CREBRF: variants seen among roughly 807,000 people sequenced by gnomAD.
The protein encoded by CREBRF is CREB3 regulatory factor, also known as UPF0474 protein C5orf41.
CREBRF carries 5 observed loss-of-function variants against 66.1 expected under a neutral mutation model. The ratio of observed to expected loss-of-function variants is 0.08; its 90% CI spans 0.04 to 0.16. CREBRF has a LOEUF of 0.16. Ranked by LOEUF, CREBRF falls within the 10% of genes least tolerant of loss-of-function variation. The pLI, the probability that CREBRF is intolerant of heterozygous loss-of-function variation, is 1.00. For missense variants in CREBRF, 531 were observed against 744.9 expected, an observed-to-expected ratio of 0.71 and a Z score of 3.34; for synonymous variants, 229 against 264.4, an observed-to-expected ratio of 0.87 and a Z score of 1.30.
chr5:173,111,787 T>A (rs1477376375), intron 6 of CREBRF, among the ~76,000 whole-genome samples: 1 of 152,252 alleles, frequency 6.6e-6, no homozygotes, highest in African/African-American at 2.4e-5. Context: ...GCATATATGC[T>A]TATAAGAAAC....
chr5:173,101,963 T>A (rs1758639515), intron 4 of CREBRF, among the ~76,000 whole-genome samples: 1 of 152,208 alleles, frequency 6.6e-6, no homozygotes, highest in East Asian at 1.9e-4. Flanking sequence ...CCTGTAGGCT[T>A]TCTTTATTCT....
At chr5:173,124,579 GAAAAA>G (rs1561581530) in intron 8 of CREBRF, 1 of 137,730 alleles carries the variant, frequency 7.3e-6, no homozygotes, top group African/African-American at 2.7e-5. Context: ...AAAAAAAAAA[GAAAAA>G]AGAAAAGCCA....
rs1758213008 is a variant in CREBRF, at chr5:173,087,999, ATT to A, written c.135+1377_135+1378del. Among the ~76,000 whole-genome samples, 4 of 150,814 alleles carry A rather than the reference ATT, an allele frequency of 2.7e-5. No individual in the cohort carries two copies. The South Asian group carries it at 8.4e-4, about 32-fold the overall frequency. On this transcript the variant is annotated intron_variant, in intron 3 of 8. Transcript: ENST00000296953. ...CCACCACACCCGGCTAATTTTTTGT[ATT>A]TTTAGTAGAGATGGGGTTTCACCAT...
chr5:173,135,562 A>C lies in CREBRF; in HGVS notation c.*1817A>C, dbSNP rs768093696. ...TTTAGCAAGGAAAAAAATACCAAAAATTTCAGGCATAGCTGCTGGAAAAAT... is the reference window on the plus strand; with the variant it reads ...TTTAGCAAGGAAAAAAATACCAAAACTTTCAGGCATAGCTGCTGGAAAAAT... On this transcript the variant is annotated 3_prime_UTR_variant, in exon 9 of 9. Coordinates refer to ENST00000296953, the MANE Select transcript of CREBRF (RefSeq NM_153607.3). The C allele has an allele frequency of 6.6e-6, 1 of 152,340 alleles. No individual in the cohort carries two copies. Among genetic ancestry groups the C allele is most frequent in the Non-Finnish European group, 1.5e-5 (1 of 67,956 alleles). The allele number at this position is 152,340 out of a possible 1,614,324, so 9.4% of individuals were successfully genotyped here.
At chr5:173,112,413 C>A (rs573020662) in intron 7 of CREBRF, 34 bp downstream of exon 7, 1 of 1,375,928 alleles carries the variant, frequency 7.3e-7, no homozygotes, top group Non-Finnish European at 1.0e-6. Context: ...TGATTAACCA[C>A]CTATTGATTT....
At chr5:173,074,159 G>A (rs970286173) in intron 1 of CREBRF, among the ~76,000 whole-genome samples, 2 of 151,874 alleles carry the variant, frequency 1.3e-5, no homozygotes, top group South Asian at 2.1e-4. Flanking sequence ...AAAATTAGCC[G>A]GGTGTTGTGG....
rs1759629612 is a variant in CREBRF at position 173,138,072 on chromosome 5, G to A, written c.*4327G>A. The A allele has an allele frequency of 6.6e-6, 1 of 152,154 alleles. No individual in the cohort carries two copies. Among genetic ancestry groups the A allele is most frequent in the South Asian group, 2.1e-4 (1 of 4,828 alleles). The allele number at this position is 152,154 out of a possible 1,614,324, so 9.4% of individuals were successfully genotyped here. On this transcript the variant is annotated 3_prime_UTR_variant, in exon 9 of 9. Coordinates refer to ENST00000296953, the MANE Select transcript of CREBRF (RefSeq NM_153607.3). The stretch of plus-strand genomic sequence containing the variant: ...TCTGTTGTGGAATACCATTTCCCAT[G>A]GAACTGAGGCCATTTCCACAACTTT...
intron 4 of CREBRF, among the ~76,000 whole-genome samples, chr5:173,104,193 A>G (rs796593372): frequency 6.6e-6 from 1 of 152,232 alleles, no homozygotes; most frequent in African/African-American, 2.4e-5. Context: ...TGATTTGGCA[A>G]GAGAGATATG....
At chr5:173,081,346 G>A (rs1320039461) in intron 2 of CREBRF, among the ~76,000 whole-genome samples, 2 of 152,124 alleles carry the variant, frequency 1.3e-5, no homozygotes, top group Non-Finnish European at 2.9e-5. Flanking sequence ...TTGGTTTTAG[G>A]CAATCAGTGA....
At chr5:173,062,085 T>C (rs1230798630) in intron 1 of CREBRF, among the ~76,000 whole-genome samples, 1 of 152,208 alleles carries the variant, frequency 6.6e-6, no homozygotes, top group African/African-American at 2.4e-5. Flanking sequence ...GTGGTAGGGA[T>C]TAATGATGTT....
chr5:173,058,603 C>T (rs1431562760), intron 1 of CREBRF, among the ~76,000 whole-genome samples: 1 of 151,346 alleles, frequency 6.6e-6, no homozygotes, highest in Non-Finnish European at 1.5e-5. Flanking sequence ...CCTGCCTCAG[C>T]CTCCGGAGTA....
At chr5:173,070,230 C>T (rs1037857112) in intron 1 of CREBRF, among the ~76,000 whole-genome samples, 6 of 152,082 alleles carry the variant, frequency 3.9e-5, no homozygotes, top group Admixed American at 3.9e-4. Flanking sequence ...CAAATCCTTG[C>T]TAACAACAGC....
rs142535411 is a variant in CREBRF, at chr5:173,081,225, A to G, written c.9+441A>G. On this transcript the variant is annotated intron_variant, in intron 2 of 8. Transcript: ENST00000296953. The stretch of plus-strand genomic sequence containing the variant: ...AACCCCTCTCATCTCTCTCTTTCTC[A>G]TAGACACACACACATACCTATGTGT... Among the ~76,000 whole-genome samples, 14 of 152,212 alleles carry G rather than the reference A, an allele frequency of 9.2e-5. No homozygotes were observed. The East Asian group carries it at 2.3e-3, about 25-fold the overall frequency.
Position 173,133,787 on chromosome 5 carries a change from T to G in CREBRF, c.*42T>G. On this transcript the variant is annotated 3_prime_UTR_variant, in exon 9 of 9. Coordinates refer to ENST00000296953, the MANE Select transcript of CREBRF (RefSeq NM_153607.3). Reference sequence around the variant, plus strand: ...ACTGGTCAGAAATGTCTGCGTTTTGTCACGTTATCCATTGTAAATTTTCAT... The same window carrying G: ...ACTGGTCAGAAATGTCTGCGTTTTGGCACGTTATCCATTGTAAATTTTCAT... The G allele has an allele frequency of 9.4e-7, 1 of 1,065,640 alleles. No individual in the cohort carries two copies. Among genetic ancestry groups the G allele is most frequent in the Non-Finnish European group, 1.4e-6 (1 of 700,806 alleles). 66.0% of individuals were successfully genotyped at this position (1,065,640 alleles called of 1,614,324 possible).
chr5:173,100,013 T>C (rs1758576513), intron 4 of CREBRF, among the ~76,000 whole-genome samples: 1 of 148,918 alleles, frequency 6.7e-6, no homozygotes, highest in Admixed American at 6.7e-5. Flanking sequence ...TTTGAATGAT[T>C]CTCCTGCCTT....
At chr5:173,077,760 C>G (rs976673777) in intron 1 of CREBRF, among the ~76,000 whole-genome samples, 7 of 152,146 alleles carry the variant, frequency 4.6e-5, no homozygotes, top group African/African-American at 1.2e-4. Context: ...TATCCCAGCC[C>G]TTAGTAACCT....
At chr5:173,078,627 C>T (rs1231468081) in intron 1 of CREBRF, among the ~76,000 whole-genome samples, 5 of 150,504 alleles carry the variant, frequency 3.3e-5, no homozygotes, top group African/African-American at 7.3e-5. Context: ...GGTGCGATCT[C>T]GGCTCACTGC....
At chr5:173,109,399 C>T (rs1044167621) in intron 5 of CREBRF, 1 of 152,096 alleles carries the variant, frequency 6.6e-6, no homozygotes, top group Non-Finnish European at 1.5e-5. Context: ...TCACTTGAGT[C>T]CAGGAGTTAG....
In CREBRF at chr5:173,134,643, T is replaced by C. The variant is rs1345737572; in HGVS notation, c.*898T>C. ...AATACTTGCACATTATTGCGATTGT[T>C]TTATTTTTTGTACCAAAGACAAATG... On this transcript the variant is annotated 3_prime_UTR_variant, in exon 9 of 9. Transcript: ENST00000296953. The C allele has an allele frequency of 6.5e-6, 1 of 152,934 alleles. No individual in the cohort carries two copies. Among genetic ancestry groups the C allele is most frequent in the Non-Finnish European group, 1.5e-5 (1 of 68,252 alleles). The allele number at this position is 152,934 out of a possible 1,614,324, so 9.5% of individuals were successfully genotyped here. A position where few individuals can be genotyped will look rare whatever the true frequency, so the allele number is the denominator to read the frequency against.
Sources: gnomAD v4.1 joint callset for allele counts (sites outside exome capture counted in the v4.1 genomes callset) on GRCh38, gnomAD v4.1.1 for gene constraint, MANE v1.5 for transcripts, NCBI Gene and HGNC (gene_info 2026-07-23, HGNC 2026-07-21) for gene names.